The following MDN1 variants were observed in gnomAD, a reference collection of about 807,000 sequenced individuals.
The protein encoded by MDN1 is midasin AAA ATPase 1, also known as midasin.
In MDN1, 266 loss-of-function variants were observed where a neutral mutation model predicts 669.2. That is an observed-to-expected ratio of 0.40 (90% CI 0.36 to 0.44). The LOEUF is 0.44. Ranked by LOEUF, MDN1 falls within the 20% of genes least tolerant of loss-of-function variation. The pLI, the probability that MDN1 is intolerant of heterozygous loss-of-function variation, is 1.00. For missense variants in MDN1, 5,940 were observed against 6,754.0 expected (o/e 0.88, Z 4.22); for synonymous variants, 2,385 against 2,457.1 (o/e 0.97, Z 0.87).
rs1451594648 is a variant in MDN1, at chr6:89,700,692, G to C, written c.8592C>G (p.Ala2864=). The C allele has an allele frequency of 6.2e-7, 1 of 1,614,196 alleles. No homozygotes were observed. Among genetic ancestry groups the C allele is most frequent in the Non-Finnish European group, 8.5e-7 (1 of 1,180,036 alleles). The change falls in exon 56 of 102, where the codon GCC becomes GCG. Residue 2864 remains alanine, a synonymous_variant. Coordinates refer to ENST00000369393, the MANE Select transcript of MDN1 (RefSeq NM_014611.3). ...QWTLKKSLLQ[A]WGLILRANIL... ...TATTTGCTCTGAGGATCAGTCCCCA[G>C]GCTTGCAGGAGACTTTTCTTTAATG...
At chr6:89,696,808 A>C (rs1158375366) in intron 59 of MDN1, among the ~76,000 whole-genome samples, 1 of 152,182 alleles carries the variant, frequency 6.6e-6, no homozygotes, top group Non-Finnish European at 1.5e-5. Context: ...GAAAGCCCGC[A>C]AACCTGGGAA....
intron 18 of MDN1, 124 bp downstream of exon 18, chr6:89,758,691 TA>T: frequency 9.6e-7 from 1 of 1,046,706 alleles, no homozygotes; most frequent in Non-Finnish European, 1.4e-6. Flanking sequence ...AATTAATATC[TA>T]AAGAATGAAC....
intron 23 of MDN1, 146 bp from the exon 24 acceptor site, chr6:89,750,678 C>G: frequency 1.3e-6 from 1 of 778,760 alleles, no homozygotes; most frequent in East Asian, 2.6e-5. Flanking sequence ...TCATAGCTCA[C>G]TGCAGCCTCG....
intron 8 of MDN1, 55 bp from the exon 9 acceptor site, chr6:89,785,181 A>C: frequency 8.4e-7 from 1 of 1,191,354 alleles, no homozygotes; most frequent in Non-Finnish European, 1.3e-6. Flanking sequence ...TTAATCCTGA[A>C]TTGTGCCTCT....
intron 23 of MDN1, among the ~76,000 whole-genome samples, chr6:89,750,749 T>C (rs914521726): frequency 6.6e-6 from 1 of 152,000 alleles, no homozygotes; most frequent in Non-Finnish European, 1.5e-5. Flanking sequence ...ACTACAGACA[T>C]GCACCACCAA....
chr6:89,743,536 AGT>A, intron 30 of MDN1, 38 bp downstream of exon 30: 1 of 1,539,610 alleles, frequency 6.5e-7, no homozygotes, highest in South Asian at 1.2e-5. Context: ...AGCTAACTGC[AGT>A]TTTTTAAAAT....
intron 84 of MDN1, among the ~76,000 whole-genome samples, chr6:89,665,600 G>A (rs558351069): frequency 3.3e-5 from 5 of 151,572 alleles, no homozygotes; most frequent in Non-Finnish European, 5.9e-5. Flanking sequence ...CCAGCTACTC[G>A]GGAGGCTGAG....
At chr6:89,788,075 C>T in intron 7 of MDN1, 118 bp from the exon 8 acceptor site, 1 of 874,338 alleles carries the variant, frequency 1.1e-6, no homozygotes, top group African/African-American at 1.7e-5. Context: ...CGTCAGCTCT[C>T]ATAGTCCAAA....
At chr6:89,648,441 G>C (rs1562030370) in intron 97 of MDN1, 112 bp from the exon 98 acceptor site, 1 of 970,640 alleles carries the variant, frequency 1.0e-6, no homozygotes, top group Non-Finnish European at 1.6e-6. Context: ...TGTTTGGCAA[G>C]TAGAGGAATA....
At position 89,644,990 on chromosome 6, in the gene MDN1, A is replaced by G. The variant is rs1038771356; in HGVS notation, c.16602+25T>C. On this transcript the variant is annotated intron_variant, in intron 101 of 101. Coordinates refer to ENST00000369393, the MANE Select transcript of MDN1 (RefSeq NM_014611.3). ...GGGAATCCCCACTTTACCTCCAGAA[A>G]AGGTGGCTTTTAGTAGTCACTCACC... 6 of 1,570,334 alleles carry G rather than the reference A, an allele frequency of 3.8e-6. No individual in the cohort carries two copies. In the African/African-American group the frequency reaches 8.1e-5, roughly 21 times the overall value.
intron 61 of MDN1, 136 bp from the exon 62 acceptor site, chr6:89,694,319 G>C: frequency 1.5e-6 from 1 of 684,666 alleles, no homozygotes; most frequent in South Asian, 1.8e-5. Flanking sequence ...AGGTGGCTCT[G>C]CTCCATTAAT....
intron 37 of MDN1, among the ~76,000 whole-genome samples, chr6:89,725,850 C>T (rs1383892781): frequency 1.3e-5 from 2 of 150,604 alleles, no homozygotes; most frequent in African/African-American, 2.4e-5. Context: ...GTTAGAATTA[C>T]AGGCATAAGC....
At chr6:89,745,174 G>T in intron 29 of MDN1, 99 bp downstream of exon 29, 174 of 739,944 alleles carry the variant, frequency 2.4e-4, no homozygotes, top group Middle Eastern at 3.9e-4. Flanking sequence ...AAGGAGGAAA[G>T]AAGGGGGGAT....
Position 89,796,324 on chromosome 6 carries a change from C to CAAAAAAAAA in MDN1, c.330-1532_330-1524dup, listed in dbSNP as rs35169575. 2.4e-4 allele frequency among the ~76,000 whole-genome samples: 11 copies of CAAAAAAAAA among 45,366 alleles called. 1 individual carries two copies. The highest frequency in any genetic ancestry group is 1.2e-3 in the African/African-American group (8 of 6,832). 29.8% of individuals were successfully genotyped at this position (45,366 alleles called of 152,430 possible). A position where few individuals can be genotyped will look rare whatever the true frequency, so the allele number is the denominator to read the frequency against. Reference sequence around the variant, plus strand: ...GGGCGACAAGAGCAAAACTCTGTCTCAAAAAAAAAAAAAAAAAAAAAAAAA... The same window carrying CAAAAAAAAA: ...GGGCGACAAGAGCAAAACTCTGTCTCAAAAAAAAAAAAAAAAAAAAAAAAAAAAAAAAAA... On this transcript the variant is annotated intron_variant, in intron 2 of 101. Transcript: ENST00000369393.
chr6:89,684,390 T>TA (rs372116307), intron 71 of MDN1, among the ~76,000 whole-genome samples: 7,558 of 132,958 alleles, frequency 0.057, 251 homozygotes, highest in South Asian at 0.13. Flanking sequence ...CAAAGTGATT[T>TA]AAAAAAAAAA....
At position 89,764,594 on chromosome 6, in the gene MDN1, T is replaced by G. The variant is rs1468625804; in HGVS notation, c.2145-2064A>C. Among the ~76,000 whole-genome samples the G allele has an allele frequency of 2.6e-5, 4 of 152,224 alleles. No individual in the cohort carries two copies. In the East Asian group the frequency reaches 7.7e-4, roughly 29 times the overall value. On this transcript the variant is annotated intron_variant, in intron 15 of 101. Transcript: ENST00000369393. ...TAAGGTAAAAGCTGAATGGGTGATG[T>G]GAGTTTTGGTAATTTGAGTATCACA...
chr6:89,644,818 GATC>G (rs765498122), intron 101 of MDN1, among the ~76,000 whole-genome samples, 194 bp downstream of exon 101: 4 of 152,194 alleles, frequency 2.6e-5, no homozygotes, highest in Non-Finnish European at 5.9e-5. Flanking sequence ...TGGGAATAAT[GATC>G]CCTACCTCAC....
intron 1 of MDN1, chr6:89,814,957 G>T: frequency 2.0e-6 from 1 of 496,356 alleles, no homozygotes; most frequent in Non-Finnish European, 3.7e-6. Flanking sequence ...CACCCTGGGT[G>T]CCATGTCACA....
At chr6:89,801,877 A>G (rs1767689748) in intron 2 of MDN1, among the ~76,000 whole-genome samples, 1 of 151,228 alleles carries the variant, frequency 6.6e-6, no homozygotes, top group Admixed American at 6.6e-5. Context: ...CATGAGAATC[A>G]CTTGAACCCA....
Sources: allele counts gnomAD v4.1 joint callset (sites outside exome capture counted in the v4.1 genomes callset), GRCh38; gene constraint gnomAD v4.1.1; transcripts MANE v1.5; gene names NCBI Gene and HGNC (gene_info 2026-07-23, HGNC 2026-07-21).